The following KCNIP4 variants were observed in gnomAD, a reference collection of about 807,000 sequenced individuals.
The protein encoded by KCNIP4 is potassium voltage-gated channel interacting protein 4.
Under a neutral mutation model 34.0 loss-of-function variants are expected in KCNIP4, and 12 were observed. That is an observed-to-expected ratio of 0.35 (90% CI 0.23 to 0.57). The LOEUF (loss-of-function observed/expected upper bound fraction) is 0.57. Among genes scored for constraint, KCNIP4 ranks in the 20% least tolerant of loss-of-function variants. The pLI, the probability that KCNIP4 is intolerant of heterozygous loss-of-function variation, is 0.83. For missense variants in KCNIP4, 238 were observed against 311.7 expected (o/e 0.76, Z 1.78); for synonymous variants, 124 against 102.2 (o/e 1.21, Z -1.29).
intron 1 of KCNIP4, among the ~76,000 whole-genome samples, chr4:21,474,418 G>A (rs888427405): frequency 6.6e-6 from 1 of 152,066 alleles, no homozygotes. Context: ...AACAAAAAAC[G>A]ATCAATTCAT....
rs144245750 is a variant in KCNIP4 at position 21,530,127 on chromosome 4, A to G, written c.61+418444T>C. ...CCATGCTAACTTTTCAGACAGTCTT[A>G]TAGGGAAAGGGCAAGTTTCTTAACC... is the stretch of plus-strand genomic sequence containing the variant. On this transcript the variant is annotated intron_variant, in intron 1 of 8. Transcript: ENST00000382152. 1.1e-3 allele frequency among the ~76,000 whole-genome samples: 175 copies of G among 152,314 alleles called. 1 individual carries two copies. The highest frequency in any genetic ancestry group is 2.1e-3 in the Non-Finnish European group (141 of 68,036).
intron 1 of KCNIP4, among the ~76,000 whole-genome samples, chr4:21,301,638 T>A (rs1711717236): frequency 6.6e-6 from 1 of 152,144 alleles, no homozygotes; most frequent in African/African-American, 2.4e-5. Flanking sequence ...TACTTTTTTT[T>A]AAGAAAGTTT....
intron 1 of KCNIP4, among the ~76,000 whole-genome samples, chr4:20,990,275 C>G (rs1195889426): frequency 6.6e-6 from 1 of 152,200 alleles, no homozygotes; most frequent in African/African-American, 2.4e-5. Flanking sequence ...TTGAAAATTC[C>G]TAAATGTTCT....
intron 1 of KCNIP4, among the ~76,000 whole-genome samples, chr4:21,696,407 A>G (rs1432839810): frequency 6.6e-6 from 1 of 152,132 alleles, no homozygotes. Context: ...CCTTACTTAC[A>G]GTGTGTGAGT....
At chr4:21,607,289 GAAT>G (rs1743778878) in intron 1 of KCNIP4, among the ~76,000 whole-genome samples, 1 of 152,018 alleles carries the variant, frequency 6.6e-6, no homozygotes, top group Non-Finnish European at 1.5e-5. Flanking sequence ...TTCTTCTAAG[GAAT>G]AATGTGTTAA....
At chr4:20,735,173 T>C (rs971890470) in intron 5 of KCNIP4, among the ~76,000 whole-genome samples, 4 of 152,230 alleles carry the variant, frequency 2.6e-5, no homozygotes, top group Non-Finnish European at 5.9e-5. Context: ...TTGTGGTCTT[T>C]AATTAGAAAT....
chr4:21,231,030 C>T (rs1453169606), intron 1 of KCNIP4, among the ~76,000 whole-genome samples: 1 of 152,090 alleles, frequency 6.6e-6, no homozygotes, highest in Non-Finnish European at 1.5e-5. Context: ...TCTTACGCCA[C>T]CCAATTTCTG....
chr4:21,835,943 C>T (rs1210283875), intron 1 of KCNIP4, among the ~76,000 whole-genome samples: 1 of 152,084 alleles, frequency 6.6e-6, no homozygotes, highest in Non-Finnish European at 1.5e-5. Flanking sequence ...TTCAGTATGA[C>T]TCAACTGTAC....
rs1438466313 is a variant in KCNIP4 at position 20,850,625 on chromosome 4, C to T, written c.206G>A (p.Arg69Gln). 8 of 1,612,484 alleles carry T rather than the reference C, an allele frequency of 5.0e-6. No homozygotes were observed. The highest frequency in any genetic ancestry group is 1.9e-4 in the Middle Eastern group (1 of 5,278). ...DELEMATVRH[R>Q]PEALELLEAQ... ...TTCCAGAAGCTCAAGGGCTTCAGGC[C>T]GATGCCTGACGGTGGCCATCTCCAG... The change falls in exon 3 of 9, where the codon CGG becomes CAG. Residue 69 changes from arginine to glutamine, a missense_variant. Coordinates refer to ENST00000382152, the MANE Select transcript of KCNIP4 (RefSeq NM_025221.6).
Position 21,777,166 on chromosome 4 carries a change from C to T in KCNIP4, c.61+171405G>A, listed in dbSNP as rs139390503. Among the ~76,000 whole-genome samples, 195 of 152,312 alleles carry T rather than the reference C, an allele frequency of 1.3e-3. 1 individual carries two copies. The highest frequency in any genetic ancestry group is 4.4e-3 in the African/African-American group (184 of 41,572). ...GTGAAGAAGGATGTGTTTACTTCCCCATCTTCCATGATTGTAAGTTTCCTG... is the reference window on the plus strand; with the variant it reads ...GTGAAGAAGGATGTGTTTACTTCCCTATCTTCCATGATTGTAAGTTTCCTG... On this transcript the variant is annotated intron_variant, in intron 1 of 8. Transcript: ENST00000382152.
chr4:20,890,178 C>T lies in KCNIP4; in HGVS notation c.62-7469G>A, dbSNP rs150811353. Among the ~76,000 whole-genome samples, 422 of 152,216 alleles carry T rather than the reference C, an allele frequency of 2.8e-3. 2 individuals carry two copies. The highest frequency in any genetic ancestry group is 9.6e-3 in the African/African-American group (399 of 41,558). On this transcript the variant is annotated intron_variant, in intron 1 of 8. Coordinates refer to ENST00000382152, the MANE Select transcript of KCNIP4 (RefSeq NM_025221.6). ...TGCTAGGAACTGTCTCAGATGCTGGCAATAATGCACCGAATGAGCCAGCCA... is the reference window on the plus strand; with the variant it reads ...TGCTAGGAACTGTCTCAGATGCTGGTAATAATGCACCGAATGAGCCAGCCA...
chr4:21,620,797 A>T (rs565616968), intron 1 of KCNIP4, among the ~76,000 whole-genome samples: 1 of 152,172 alleles, frequency 6.6e-6, no homozygotes, highest in African/African-American at 2.4e-5. Context: ...GCTGTTGCCC[A>T]TGTACTTAGC....
In KCNIP4 at chr4:21,020,399, C is replaced by T. The variant is rs76025415; in HGVS notation, c.62-137690G>A. Among the ~76,000 whole-genome samples, 427 of 152,194 alleles carry T rather than the reference C, an allele frequency of 2.8e-3. 13 individuals are homozygous for T. In the East Asian group the frequency reaches 0.064, roughly 23 times the overall value. ...TTAATCAACAAAGTAACAAATAGTG[C>T]GATGTGCCAAGCATCTTTAGCGATA... On this transcript the variant is annotated intron_variant, in intron 1 of 8. Transcript: ENST00000382152.
chr4:21,246,902 A>G (rs190018670), intron 1 of KCNIP4, among the ~76,000 whole-genome samples: 2 of 152,206 alleles, frequency 1.3e-5, no homozygotes, highest in African/African-American at 2.4e-5. Flanking sequence ...ATCATTTAAA[A>G]TGCAATTATG....
intron 3 of KCNIP4, among the ~76,000 whole-genome samples, chr4:20,772,184 C>A (rs1031472943): frequency 3.9e-5 from 6 of 152,190 alleles, no homozygotes; most frequent in African/African-American, 1.4e-4. Flanking sequence ...TCTTTCACAT[C>A]TTCCTAAGCT....
chr4:21,580,504 A>ATT (rs1741125146), intron 1 of KCNIP4, among the ~76,000 whole-genome samples: 1 of 152,124 alleles, frequency 6.6e-6, no homozygotes, highest in Admixed American at 6.6e-5. Flanking sequence ...TAGATAAAAT[A>ATT]TTTTTAAAAG....
intron 1 of KCNIP4, among the ~76,000 whole-genome samples, chr4:21,211,017 A>G (rs1474769263): frequency 6.6e-6 from 1 of 152,204 alleles, no homozygotes; most frequent in Non-Finnish European, 1.5e-5. Context: ...AGTGAAGTTT[A>G]GCTCTAGGTT....
At chr4:20,827,275 C>T (rs1445388933) in intron 3 of KCNIP4, among the ~76,000 whole-genome samples, 1 of 152,092 alleles carries the variant, frequency 6.6e-6, no homozygotes, top group African/African-American at 2.4e-5. Flanking sequence ...GGCTGAAACA[C>T]CAGGAATTTA....
At chr4:21,065,961 T>A (rs1338688875) in intron 1 of KCNIP4, among the ~76,000 whole-genome samples, 1 of 151,952 alleles carries the variant, frequency 6.6e-6, no homozygotes, top group East Asian at 1.9e-4. Context: ...TACTCACTTG[T>A]AAAATATCTT....
Sources: gnomAD v4.1 joint callset for allele counts (sites outside exome capture counted in the v4.1 genomes callset) on GRCh38, gnomAD v4.1.1 for gene constraint, MANE v1.5 for transcripts, NCBI Gene and HGNC (gene_info 2026-07-23, HGNC 2026-07-21) for gene names.